CDH10: variants seen among roughly 807,000 people sequenced by gnomAD.
CDH10 encodes cadherin 10.
In CDH10, 30 loss-of-function variants were observed where a neutral mutation model predicts 73.1. That is an observed-to-expected ratio of 0.41 (90% confidence interval 0.31 to 0.56). The LOEUF (loss-of-function observed/expected upper bound fraction) is 0.56, where lower values mean the gene tolerates loss of function less well. Among genes scored for constraint, CDH10 ranks in the 20% least tolerant of loss-of-function variants. The pLI, the probability that CDH10 is intolerant of heterozygous loss-of-function variation, is 0.27. For synonymous variants in CDH10, 345 were observed against 348.2 expected (o/e 0.99, Z 0.10); for missense variants, 815 against 973.7 (o/e 0.84, Z 2.17).
intron 2 of CDH10, among the ~76,000 whole-genome samples, chr5:24,563,261 G>A (rs1337115954): frequency 6.6e-6 from 1 of 152,008 alleles, no homozygotes; most frequent in African/African-American, 2.4e-5. Context: ...GTTTCCTCAT[G>A]TTTATATTTG....
At chr5:24,517,950 A>G (rs1379773073) in intron 5 of CDH10, among the ~76,000 whole-genome samples, 2 of 152,182 alleles carry the variant, frequency 1.3e-5, no homozygotes, top group Admixed American at 6.5e-5. Context: ...CACCCTTGAC[A>G]ACATTTTAGA....
intron 4 of CDH10, 59 bp downstream of exon 4, chr5:24,535,644 C>G: frequency 6.7e-7 from 1 of 1,491,424 alleles, no homozygotes; most frequent in Non-Finnish European, 9.2e-7. Context: ...CATGGTCTTT[C>G]TACTGATAAA....
intron 1 of CDH10, among the ~76,000 whole-genome samples, chr5:24,599,829 T>G (rs761213710): frequency 9.2e-5 from 14 of 152,136 alleles, no homozygotes; most frequent in Admixed American, 1.3e-4. Flanking sequence ...AGAAAAAAAC[T>G]TATCAGCACT....
intron 2 of CDH10, among the ~76,000 whole-genome samples, chr5:24,546,402 AT>A (rs1261178445): frequency 6.6e-6 from 1 of 152,170 alleles, no homozygotes. Context: ...ACTGAGAGAT[AT>A]TCATATCTTC....
rs755722259 is a variant in CDH10 at position 24,491,585 on chromosome 5, T to C, written c.1867A>G (p.Ile623Val). 13 of 1,611,826 alleles carry C rather than the reference T, an allele frequency of 8.1e-6. No individual in the cohort carries two copies. The South Asian group carries it at 1.2e-4, about 15-fold the overall frequency. The change falls in exon 11 of 12, where the codon ATT becomes GTT. Residue 623 changes from isoleucine (I) to valine (V), a missense_variant. By Grantham distance (29) the Ile-to-Val change is conservative (BLOSUM62 3). Transcript: ENST00000264463. ...TTTTAAGGTTTCTTACCCAGTAGAA[T>C]GATGATGCAGAGGAGGATGGCGATC... is the stretch of plus-strand genomic sequence containing the variant. ...ALIAILLCII[I>V]LLVIVVLFAA...
chr5:24,602,483 ATACCCGCT>A (rs1561190719), intron 1 of CDH10, among the ~76,000 whole-genome samples: 56 of 152,276 alleles, frequency 3.7e-4, no homozygotes, highest in South Asian at 1.0e-3. Context: ...CCTTTTGTGT[ATACCCGCT>A]CTGTGTTTAA....
At chr5:24,570,641 C>G (rs1009370089) in intron 2 of CDH10, among the ~76,000 whole-genome samples, 1 of 143,076 alleles carries the variant, frequency 7.0e-6, no homozygotes, top group African/African-American at 2.4e-5. Flanking sequence ...TGCTTGTTAC[C>G]TTACTGTAAA....
chr5:24,542,745 G>C (rs1744201449), intron 2 of CDH10, among the ~76,000 whole-genome samples: 1 of 152,150 alleles, frequency 6.6e-6, no homozygotes, highest in African/African-American at 2.4e-5. Context: ...TCAATGTCTG[G>C]TAAGGGCCCT....
intron 1 of CDH10, among the ~76,000 whole-genome samples, chr5:24,628,968 G>A (rs1747608364): frequency 6.6e-6 from 1 of 151,668 alleles, no homozygotes; most frequent in Non-Finnish European, 1.5e-5. Context: ...GTTTCTTATA[G>A]TGCTTAATTA....
chr5:24,609,455 G>C (rs1178379803), intron 1 of CDH10, among the ~76,000 whole-genome samples: 1 of 152,152 alleles, frequency 6.6e-6, no homozygotes, highest in Admixed American at 6.5e-5. Context: ...GTGACTCAGA[G>C]TAACAGAACA....
At chr5:24,631,763 A>G (rs983953241) in intron 1 of CDH10, among the ~76,000 whole-genome samples, 2 of 152,068 alleles carry the variant, frequency 1.3e-5, no homozygotes, top group African/African-American at 2.4e-5. Flanking sequence ...AATCTCATCT[A>G]CATCCATTTC....
chr5:24,546,142 A>AT (rs532239786), intron 2 of CDH10, among the ~76,000 whole-genome samples: 3 of 151,938 alleles, frequency 2.0e-5, no homozygotes, highest in African/African-American at 7.3e-5. Flanking sequence ...TAAAATGAGC[A>AT]TTTTTTTAAA....
rs1561146685 is a variant in CDH10, at chr5:24,535,292, T to TA, written c.647-14dup. ...GTCCTGATGATACCTTGAGAAAATA[T>TA]AAAAAAACTTCCATTATCTTCACTG... On this transcript the variant is annotated splice_polypyrimidine_tract_variant and intron_variant, in intron 4 of 11. Coordinates refer to ENST00000264463, the MANE Select transcript of CDH10 (RefSeq NM_006727.5). 1.3e-5 allele frequency: 21 copies of TA among 1,595,364 alleles called. No individual in the cohort carries two copies. The highest frequency in any genetic ancestry group is 6.9e-5 in the South Asian group (6 of 86,986).
chr5:24,523,948 C>T (rs576214080), intron 5 of CDH10, among the ~76,000 whole-genome samples: 1 of 152,000 alleles, frequency 6.6e-6, no homozygotes, highest in Non-Finnish European at 1.5e-5. Flanking sequence ...AGTAATTTGT[C>T]TGAAGAAATA....
chr5:24,555,441 C>T (rs1744732155), intron 2 of CDH10, among the ~76,000 whole-genome samples: 1 of 152,096 alleles, frequency 6.6e-6, no homozygotes, highest in African/African-American at 2.4e-5. Context: ...ACTAAAGACA[C>T]AATGAGCTCA....
At chr5:24,553,167 T>C (rs940353326) in intron 2 of CDH10, among the ~76,000 whole-genome samples, 2 of 152,190 alleles carry the variant, frequency 1.3e-5, no homozygotes, top group African/African-American at 4.8e-5. Flanking sequence ...TCAAGAAATA[T>C]GTAGTCCTTC....
chr5:24,596,109 G>GA (rs1241834062), intron 1 of CDH10, among the ~76,000 whole-genome samples: 1 of 151,840 alleles, frequency 6.6e-6, no homozygotes, highest in Non-Finnish European at 1.5e-5. Context: ...AATAAAAATA[G>GA]AAAATTATAT....
intron 2 of CDH10, among the ~76,000 whole-genome samples, chr5:24,577,353 C>G (rs915930676): frequency 2.0e-5 from 3 of 152,098 alleles, no homozygotes; most frequent in Non-Finnish European, 4.4e-5. Context: ...TATCCTGTAA[C>G]TTTTCTACAA....
intron 2 of CDH10, chr5:24,554,188 G>GT: frequency 6.9e-6 from 1 of 145,404 alleles, no homozygotes; most frequent in Non-Finnish European, 1.5e-5. Flanking sequence ...CTGCAACTTC[G>GT]TAAGTAACTC....
Sources: gnomAD v4.1 joint callset for allele counts (sites outside exome capture counted in the v4.1 genomes callset) on GRCh38, gnomAD v4.1.1 for gene constraint, MANE v1.5 for transcripts, NCBI Gene and HGNC (gene_info 2026-07-23, HGNC 2026-07-21) for gene names.